DHRS9: variants seen among roughly 807,000 people sequenced by gnomAD.
DHRS9 encodes dehydrogenase/reductase 9, also known as dehydrogenase/reductase SDR family member 9.
DHRS9 carries 18 observed loss-of-function variants against 26.6 expected under a neutral mutation model. The observed-to-expected ratio is 0.68, with a 90% CI of 0.47 to 1.00. The LOEUF (loss-of-function observed/expected upper bound fraction) is 1.00, where lower values mean the gene tolerates loss of function less well. Ranked by LOEUF, DHRS9 falls within the 50% of genes least tolerant of loss-of-function variation. The probability of loss-of-function intolerance (pLI) is 0.00; values close to 1 mark genes in which losing one functional copy is unlikely to be tolerated. For missense variants in DHRS9, 425 were observed against 378.7 expected (o/e 1.12, Z -1.01); for synonymous variants, 134 against 141.1 (o/e 0.95, Z 0.36).
chr2:169,094,077 A>T lies in DHRS9; in HGVS notation c.737-1467A>T, dbSNP rs188723834. Reference sequence around the variant, plus strand: ...AAACAGTATACAAGAGGTTTTCTCCATGCCCTTGTCAATACTTGTTATCTT... The same window carrying T: ...AAACAGTATACAAGAGGTTTTCTCCTTGCCCTTGTCAATACTTGTTATCTT... On this transcript the variant is annotated intron_variant, in intron 4 of 4. Coordinates refer to ENST00000674881, the MANE Select transcript of DHRS9 (RefSeq NM_001376924.1). Among the ~76,000 whole-genome samples, 23 of 152,316 alleles carry T rather than the reference A, an allele frequency of 1.5e-4. No homozygotes were observed. The East Asian group carries it at 4.2e-3, about 28-fold the overall frequency.
intron 1 of DHRS9, chr2:169,074,353 G>T: frequency 1.0e-6 from 1 of 985,376 alleles, no homozygotes; most frequent in South Asian, 4.7e-5. Context: ...CTGAGGTCTG[G>T]GCTCCTAACT....
At chr2:169,087,534 G>A (rs1463812647) in intron 3 of DHRS9, among the ~76,000 whole-genome samples, 4 of 152,094 alleles carry the variant, frequency 2.6e-5, no homozygotes, top group Admixed American at 1.3e-4. Flanking sequence ...TTACTCTTCC[G>A]TCTCCTTTTC....
chr2:169,089,686 A>G (rs1401559099), intron 3 of DHRS9, among the ~76,000 whole-genome samples: 1 of 152,238 alleles, frequency 6.6e-6, no homozygotes, highest in African/African-American at 2.4e-5. Flanking sequence ...TCATTTTGCC[A>G]TTTGATCAGG....
chr2:169,075,840 T>C (rs75374377), intron 1 of DHRS9, among the ~76,000 whole-genome samples: 3,158 of 152,328 alleles, frequency 0.021, 100 homozygotes, highest in African/African-American at 0.064. Context: ...GGGCATGCGA[T>C]GTTGGTTTGT....
chr2:169,073,052 A>AT (rs1683853825), intron 1 of DHRS9, among the ~76,000 whole-genome samples: 1 of 152,256 alleles, frequency 6.6e-6, no homozygotes, highest in South Asian at 2.1e-4. Context: ...GGTCTCAAAG[A>AT]TTAATCCAAT....
upstream of DHRS9, among the ~76,000 whole-genome samples, chr2:169,068,360 C>T (rs568805144): frequency 6.6e-5 from 10 of 152,292 alleles, no homozygotes; most frequent in Admixed American, 5.9e-4. Flanking sequence ...CGGAGTCTCA[C>T]GCTGTTACCC....
At chr2:169,089,051 T>C (rs1352968522) in intron 3 of DHRS9, among the ~76,000 whole-genome samples, 1 of 152,184 alleles carries the variant, frequency 6.6e-6, no homozygotes, top group Non-Finnish European at 1.5e-5. Flanking sequence ...GTACAAGTGG[T>C]TCTTTCAGTC....
At chr2:169,095,349 T>G (rs1684660052) in intron 4 of DHRS9, among the ~76,000 whole-genome samples, 195 bp from the exon 5 acceptor site, 1 of 152,146 alleles carries the variant, frequency 6.6e-6, no homozygotes. Flanking sequence ...AACCCAATCT[T>G]GAGAGCTGCT....
intron 3 of DHRS9, among the ~76,000 whole-genome samples, chr2:169,085,803 A>G (rs142944457): frequency 2.0e-5 from 3 of 152,222 alleles, no homozygotes; most frequent in African/African-American, 7.2e-5. Context: ...ATATAAGATC[A>G]TATCATCTGC....
intron 1 of DHRS9, among the ~76,000 whole-genome samples, chr2:169,071,548 G>A (rs1003905325): frequency 6.6e-6 from 1 of 152,176 alleles, no homozygotes; most frequent in African/African-American, 2.4e-5. Context: ...GCTACATCCT[G>A]AGGAGGCTGT....
At chr2:169,067,203 C>A, upstream of DHRS9, 1 of 1,535,604 alleles carries the variant, frequency 6.5e-7, no homozygotes, top group South Asian at 1.2e-5. Flanking sequence ...CCCTCCTGGT[C>A]AGCCTTACAA....
intron 3 of DHRS9, among the ~76,000 whole-genome samples, chr2:169,089,517 G>T (rs987396663): frequency 6.6e-6 from 1 of 152,138 alleles, no homozygotes; most frequent in African/African-American, 2.4e-5. Flanking sequence ...AGAAGACAAA[G>T]TTAGTTATAG....
intron 4 of DHRS9, among the ~76,000 whole-genome samples, chr2:169,093,255 G>A (rs2105304981): frequency 6.6e-6 from 1 of 152,124 alleles, no homozygotes; most frequent in East Asian, 1.9e-4. Context: ...AGTTTTCAAG[G>A]CAGAGCTGAA....
chr2:169,070,702 G>A (rs1456026559), intron 1 of DHRS9: 2 of 985,028 alleles, frequency 2.0e-6, no homozygotes, highest in African/African-American at 3.5e-5. Flanking sequence ...TATATTTCAA[G>A]AGTAGGAAAT....
chr2:169,081,451 A>G, intron 1 of DHRS9, 72 bp from the exon 2 acceptor site: 1 of 1,442,874 alleles, frequency 6.9e-7, no homozygotes, highest in Non-Finnish European at 9.1e-7. Context: ...AAATATCTCA[A>G]ATTCATCAGT....
intron 4 of DHRS9, among the ~76,000 whole-genome samples, chr2:169,094,176 ATGATTAGTGGTGAC>A (rs1445278554): frequency 2.6e-5 from 4 of 152,158 alleles, no homozygotes. Context: ...CATTTCCCTG[ATGATTAGTGGTGAC>A]AAACATTTTT....
At position 169,083,594 on chromosome 2, in the gene DHRS9, C is replaced by T. The variant is rs779421258; in HGVS notation, c.572+7C>T. 1 of 1,611,896 alleles carries T rather than the reference C, an allele frequency of 6.2e-7. No homozygotes were observed. Among genetic ancestry groups the T allele is most frequent in the South Asian group, 1.1e-5 (1 of 90,970 alleles). On this transcript the variant is annotated splice_region_variant and intron_variant, in intron 3 of 4. Transcript: ENST00000674881. ...GTTTCAATGACAGCTTAAGGTAAAT[C>T]AAATTAATCAACTTATTAGGAAACA...
Position 169,095,810 on chromosome 2 carries a change from C to G in DHRS9, c.*43C>G. 3 of 1,557,940 alleles carry G rather than the reference C, an allele frequency of 1.9e-6. No individual in the cohort carries two copies. The highest frequency in any genetic ancestry group is 2.7e-6 in the Non-Finnish European group (3 of 1,131,896). ...GTCTCCTCCAGGCTATGAAATTGGC[C>G]GATTTCAAGAACACATCTCCTTTTC... On this transcript the variant is annotated 3_prime_UTR_variant, in exon 5 of 5. Transcript: ENST00000674881.
At position 169,079,916 on chromosome 2, in the gene DHRS9, AGGGG is replaced by A. The variant is rs756199563; in HGVS notation, c.-59-1605_-59-1602del. ...GAGAGAGGGAGGGAGGGAGGGAGGG[AGGGG>A]GAGAGAGAGAGAGAGAGAGAGAGAG... is the stretch of plus-strand genomic sequence containing the variant. On this transcript the variant is annotated intron_variant, in intron 1 of 4. Transcript: ENST00000674881. 1.5e-4 allele frequency among the ~76,000 whole-genome samples: 6 copies of A among 41,036 alleles called. No homozygotes were observed. The East Asian group carries it at 2.9e-3, about 20-fold the overall frequency. The allele number at this position is 41,036 out of a possible 152,430, so 26.9% of individuals were successfully genotyped here. A position where few individuals can be genotyped will look rare whatever the true frequency, so the allele number is the denominator to read the frequency against.
Sources: gnomAD v4.1 joint callset for allele counts (sites outside exome capture counted in the v4.1 genomes callset) on GRCh38, gnomAD v4.1.1 for gene constraint, MANE v1.5 for transcripts, NCBI Gene and HGNC (gene_info 2026-07-23, HGNC 2026-07-21) for gene names.